CPEB3: variants seen among roughly 807,000 people sequenced by gnomAD.
The protein encoded by CPEB3 is cytoplasmic polyadenylation element-binding protein 3.
A neutral mutation model predicts 67.2 loss-of-function variants in CPEB3; 20 were observed. The ratio of observed to expected loss-of-function variants is 0.30; its 90% CI spans 0.21 to 0.43. The LOEUF (loss-of-function observed/expected upper bound fraction) is 0.43. Among genes scored for constraint, CPEB3 ranks in the 20% least tolerant of loss-of-function variants. CPEB3 has a pLI of 1.00. For missense variants in CPEB3, 746 were observed against 968.6 expected (o/e 0.77, Z 3.05); for synonymous variants, 376 against 393.1 (o/e 0.96, Z 0.51).
chr10:92,287,133 CTTTTT>C (rs377070575), intron 1 of CPEB3, among the ~76,000 whole-genome samples: 1 of 144,428 alleles, frequency 6.9e-6, no homozygotes, highest in African/African-American at 2.5e-5. Context: ...TTATCATAGA[CTTTTT>C]TTTTTTTTTG....
intron 3 of CPEB3, among the ~76,000 whole-genome samples, chr10:92,187,790 T>C (rs1848761128): frequency 1.3e-5 from 2 of 152,188 alleles, no homozygotes; most frequent in South Asian, 2.1e-4. Context: ...TTAATCCTCA[T>C]AGTTATGAAG....
intron 2 of CPEB3, among the ~76,000 whole-genome samples, chr10:92,215,677 A>AGG (rs1195993889): frequency 6.8e-6 from 1 of 146,178 alleles, no homozygotes; most frequent in Admixed American, 6.9e-5. Flanking sequence ...TCCTGACCTC[A>AGG]TGATCTGTCT....
At chr10:92,138,930 C>T (rs1233045494) in intron 6 of CPEB3, among the ~76,000 whole-genome samples, 1 of 152,056 alleles carries the variant, frequency 6.6e-6, no homozygotes, top group Non-Finnish European at 1.5e-5. Context: ...TTCACAATAG[C>T]CAGGATTTGG....
chr10:92,091,321 G>A (rs1462985671), intron 8 of CPEB3, among the ~76,000 whole-genome samples: 2 of 152,106 alleles, frequency 1.3e-5, no homozygotes, highest in Non-Finnish European at 2.9e-5. Context: ...TTATTAGGAG[G>A]CTGATGTACA....
chr10:92,272,099 G>A (rs759132222), intron 1 of CPEB3: 24 of 151,822 alleles, frequency 1.6e-4, no homozygotes, highest in Non-Finnish European at 3.1e-4. Flanking sequence ...TTGGTCATTG[G>A]TGTCCCTTCC....
At chr10:92,129,153 C>T (rs958010012) in intron 6 of CPEB3, among the ~76,000 whole-genome samples, 4 of 152,130 alleles carry the variant, frequency 2.6e-5, no homozygotes, top group Non-Finnish European at 4.4e-5. Context: ...TGGAATAGTA[C>T]GCAATCATTA....
intron 9 of CPEB3, among the ~76,000 whole-genome samples, chr10:92,067,753 G>C (rs1842612682): frequency 6.6e-6 from 1 of 152,192 alleles, no homozygotes; most frequent in Non-Finnish European, 1.5e-5. Context: ...GGGAGGCGGA[G>C]GTTGCGGTGA....
At chr10:92,181,909 T>C (rs991142153) in intron 3 of CPEB3, among the ~76,000 whole-genome samples, 20 of 152,278 alleles carry the variant, frequency 1.3e-4, no homozygotes, top group Non-Finnish European at 2.8e-4. Flanking sequence ...GAATGGAAGA[T>C]GCAGACATTT....
rs182758709 is a variant in CPEB3, at chr10:92,072,187, T to A, written c.1869+9133A>T. On this transcript the variant is annotated intron_variant, in intron 9 of 9. Coordinates refer to ENST00000265997, the MANE Select transcript of CPEB3 (RefSeq NM_014912.5). Reference sequence around the variant, plus strand: ...CCTTTAAATGAAAAAACATACCCAGTTGTCTACATCTATAAAAGGAACTTA... The same window carrying A: ...CCTTTAAATGAAAAAACATACCCAGATGTCTACATCTATAAAAGGAACTTA... Among the ~76,000 whole-genome samples, 564 of 152,330 alleles carry A rather than the reference T, an allele frequency of 3.7e-3. 8 individuals carry two copies. Among genetic ancestry groups the A allele is most frequent in the African/African-American group, 0.013 (522 of 41,572 alleles).
In CPEB3 at chr10:92,137,515, G is replaced by C. The variant is rs937683264; in HGVS notation, c.1453+5514C>G. The C allele has an allele frequency of 9.7e-6, 9 of 931,014 alleles. 1 individual carries two copies. The Middle Eastern group carries it at 8.6e-4, about 89-fold the overall frequency. The allele number at this position is 931,014 out of a possible 1,614,324, so 57.7% of individuals were successfully genotyped here. A position where few individuals can be genotyped will look rare whatever the true frequency, so the allele number is the denominator to read the frequency against. The stretch of plus-strand genomic sequence containing the variant: ...AGCCACAAGGCCTTCTGATGTGCTT[G>C]AGGTGACCAAGAAGTTCATAAGGGA... On this transcript the variant is annotated intron_variant, in intron 6 of 9. Coordinates refer to ENST00000265997, the MANE Select transcript of CPEB3 (RefSeq NM_014912.5).
chr10:92,249,809 A>G (rs931279001), intron 1 of CPEB3, among the ~76,000 whole-genome samples: 11 of 151,796 alleles, frequency 7.2e-5, no homozygotes, highest in Non-Finnish European at 1.2e-4. Flanking sequence ...TACTTGAGGT[A>G]AGGAGTTTGA....
In CPEB3 at chr10:92,117,879, C is replaced by T. The variant is rs145645892; in HGVS notation, c.1454-6685G>A. 1.8e-3 allele frequency among the ~76,000 whole-genome samples: 274 copies of T among 152,218 alleles called. 1 individual carries two copies. The highest frequency in any genetic ancestry group is 6.4e-3 in the African/African-American group (266 of 41,522). On this transcript the variant is annotated intron_variant, in intron 6 of 9. Transcript: ENST00000265997. ...TACATGTTAGCTCATTTTATCCTCA[C>T]AGTAACTCTATGAGGTAAATACAGT...
intron 1 of CPEB3, among the ~76,000 whole-genome samples, chr10:92,289,340 C>T (rs2135141294): frequency 6.6e-6 from 1 of 151,832 alleles, no homozygotes; most frequent in African/African-American, 2.4e-5. Flanking sequence ...AAGTTCGAGA[C>T]CAGCCTGGTC....
At chr10:92,253,490 G>GA (rs1229113295) in intron 1 of CPEB3, among the ~76,000 whole-genome samples, 2 of 135,828 alleles carry the variant, frequency 1.5e-5, no homozygotes, top group Non-Finnish European at 3.2e-5. Context: ...AAAAAGAAAA[G>GA]AAAGAAAAGA....
At chr10:92,224,987 A>G (rs200641687) in intron 2 of CPEB3, among the ~76,000 whole-genome samples, 1 of 130,918 alleles carries the variant, frequency 7.6e-6, no homozygotes, top group African/African-American at 2.8e-5. Context: ...TTTTTTTTTT[A>G]TTTTTTGAGG....
chr10:92,200,199 A>T (rs1254534987), intron 2 of CPEB3, among the ~76,000 whole-genome samples: 3 of 152,216 alleles, frequency 2.0e-5, no homozygotes, highest in African/African-American at 7.2e-5. Context: ...GTTGTTAAAC[A>T]GTCTTCCATG....
chr10:92,200,494 G>A (rs554804067), intron 2 of CPEB3, among the ~76,000 whole-genome samples: 90 of 133,046 alleles, frequency 6.8e-4, no homozygotes, highest in Non-Finnish European at 9.7e-4. Context: ...GAGGTGAGCC[G>A]AGATCACACC....
At chr10:92,152,504 T>G (rs1197454278) in intron 4 of CPEB3, among the ~76,000 whole-genome samples, 1 of 152,224 alleles carries the variant, frequency 6.6e-6, no homozygotes, top group Middle Eastern at 3.2e-3. Flanking sequence ...TCCTTCCACC[T>G]TCCCCTTTTA....
intron 4 of CPEB3, among the ~76,000 whole-genome samples, chr10:92,158,564 T>C (rs996638327): frequency 1.1e-4 from 16 of 152,156 alleles, no homozygotes; most frequent in Non-Finnish European, 1.9e-4. Flanking sequence ...GAAAAATGTA[T>C]AGAAATTTTA....
Sources: allele counts gnomAD v4.1 joint callset (sites outside exome capture counted in the v4.1 genomes callset), GRCh38; gene constraint gnomAD v4.1.1; transcripts MANE v1.5; gene names NCBI Gene and HGNC (gene_info 2026-07-23, HGNC 2026-07-21).